The following MACROD2 variants were observed in gnomAD, a reference collection of about 807,000 sequenced individuals.
MACROD2 encodes ADP-ribose glycohydrolase MACROD2.
MACROD2 carries 36 observed loss-of-function variants against 70.4 expected under a neutral mutation model. The ratio of observed to expected loss-of-function variants is 0.51; its 90% CI spans 0.39 to 0.68. MACROD2 has a LOEUF of 0.68. MACROD2 is among the 30% of genes least tolerant of loss of function. The pLI is 0.00. For missense variants in MACROD2, 496 were observed against 538.4 expected, an observed-to-expected ratio of 0.92 and a Z score of 0.78; for synonymous variants, 172 against 178.8, an observed-to-expected ratio of 0.96 and a Z score of 0.30.
chr20:14,488,443 T>C (rs941213650), intron 3 of MACROD2, among the ~76,000 whole-genome samples: 17 of 152,198 alleles, frequency 1.1e-4, no homozygotes, highest in African/African-American at 4.1e-4. Context: ...CATTGCATAA[T>C]AGAACTGTAG....
intron 5 of MACROD2, among the ~76,000 whole-genome samples, chr20:15,171,276 C>G (rs753654553): frequency 6.6e-6 from 1 of 151,608 alleles, no homozygotes; most frequent in Non-Finnish European, 1.5e-5. Flanking sequence ...CCCTCTATCT[C>G]TCTCCCTTTG....
chr20:15,418,806 T>C (rs380512), intron 6 of MACROD2, among the ~76,000 whole-genome samples: 101,748 of 151,992 alleles, frequency 0.67, 34,904 homozygotes, highest in African/African-American at 0.79. Context: ...TCCTTGGCAG[T>C]CCCTCCTGGG....
chr20:14,614,215 G>C (rs1983340941), intron 4 of MACROD2, among the ~76,000 whole-genome samples: 1 of 151,968 alleles, frequency 6.6e-6, no homozygotes, highest in Non-Finnish European at 1.5e-5. Context: ...TTCATTTCTT[G>C]GTCTATAAAA....
intron 3 of MACROD2, among the ~76,000 whole-genome samples, chr20:14,349,203 T>G (rs899536061): frequency 6.6e-6 from 1 of 151,840 alleles, no homozygotes; most frequent in African/African-American, 2.4e-5. Context: ...TTTTTTTTTT[T>G]TTTTTTACAA....
chr20:14,702,975 G>A (rs373207857), intron 5 of MACROD2, among the ~76,000 whole-genome samples: 294 of 151,760 alleles, frequency 1.9e-3, no homozygotes, highest in African/African-American at 6.7e-3. Flanking sequence ...TGATCTGCCC[G>A]CCTTGGTCTC....
chr20:14,122,501 C>G (rs554694424), intron 3 of MACROD2, among the ~76,000 whole-genome samples: 5 of 152,232 alleles, frequency 3.3e-5, no homozygotes, highest in Non-Finnish European at 5.9e-5. Flanking sequence ...AATCTGTAAC[C>G]CTTTTCTCCT....
intron 10 of MACROD2, among the ~76,000 whole-genome samples, chr20:15,912,389 T>G (rs1487472378): frequency 6.6e-6 from 1 of 152,218 alleles, no homozygotes; most frequent in Non-Finnish European, 1.5e-5. Context: ...CAATAACTAG[T>G]GCCTTGCAGT....
At chr20:14,398,940 G>T (rs576092102) in intron 3 of MACROD2, among the ~76,000 whole-genome samples, 4 of 151,066 alleles carry the variant, frequency 2.6e-5, no homozygotes. Context: ...CATTCCTTTA[G>T]ATTTCTTATA....
intron 4 of MACROD2, among the ~76,000 whole-genome samples, chr20:14,649,526 G>T (rs150312978): frequency 6.6e-6 from 1 of 152,132 alleles, no homozygotes; most frequent in African/African-American, 2.4e-5. Flanking sequence ...TGCATTGGCT[G>T]CAAAGGGGAT....
intron 5 of MACROD2, among the ~76,000 whole-genome samples, chr20:14,789,627 C>T (rs2123799628): frequency 6.6e-6 from 1 of 151,536 alleles, no homozygotes; most frequent in African/African-American, 2.4e-5. Flanking sequence ...AGGAAGTAGC[C>T]ACCATGCCTG....
intron 3 of MACROD2, among the ~76,000 whole-genome samples, chr20:14,485,336 G>A (rs764431096): frequency 6.6e-6 from 1 of 152,188 alleles, no homozygotes; most frequent in African/African-American, 2.4e-5. Flanking sequence ...ATTGATAAAA[G>A]AGAAATTTAT....
At chr20:14,928,394 C>CTTAATTGATATAAA (rs1454486215) in intron 5 of MACROD2, among the ~76,000 whole-genome samples, 1 of 152,010 alleles carries the variant, frequency 6.6e-6, no homozygotes, top group African/African-American at 2.4e-5. Flanking sequence ...ATAAATAAAC[C>CTTAATTGATATAAA]ATCAATTAAG....
chr20:14,160,183 T>C (rs1364267761), intron 3 of MACROD2, among the ~76,000 whole-genome samples: 1 of 152,192 alleles, frequency 6.6e-6, no homozygotes, highest in Non-Finnish European at 1.5e-5. Context: ...GTGGTTTTCT[T>C]TTTTTGTTGA....
intron 5 of MACROD2, among the ~76,000 whole-genome samples, chr20:14,780,431 G>A (rs1202663659): frequency 2.0e-5 from 3 of 151,918 alleles, no homozygotes; most frequent in South Asian, 2.1e-4. Flanking sequence ...GCGTGGTGAC[G>A]CATGCCGGTA....
intron 2 of MACROD2, among the ~76,000 whole-genome samples, chr20:14,066,140 A>G (rs1238976104): frequency 6.6e-6 from 1 of 151,880 alleles, no homozygotes; most frequent in African/African-American, 2.4e-5. Context: ...GAAAATTTTG[A>G]TTTTCCACTT....
intron 5 of MACROD2, among the ~76,000 whole-genome samples, chr20:14,899,346 A>G (rs548862004): frequency 1.3e-5 from 2 of 152,206 alleles, no homozygotes; most frequent in African/African-American, 4.8e-5. Flanking sequence ...CATCAGAAAT[A>G]TAGCGTCTCA....
At chr20:15,382,334 A>T (rs1009058739) in intron 6 of MACROD2, among the ~76,000 whole-genome samples, 1 of 152,292 alleles carries the variant, frequency 6.6e-6, no homozygotes, top group Admixed American at 6.5e-5. Flanking sequence ...GCAGAGGAAG[A>T]CCCAGCTCCC....
At chr20:14,249,305 G>A (rs1164502399) in intron 3 of MACROD2, among the ~76,000 whole-genome samples, 1 of 151,830 alleles carries the variant, frequency 6.6e-6, no homozygotes, top group Admixed American at 6.6e-5. Flanking sequence ...TCAGTATAAT[G>A]CAAAAGCCAG....
intron 2 of MACROD2, among the ~76,000 whole-genome samples, chr20:14,010,065 A>G (rs1243213043): frequency 6.6e-6 from 1 of 152,130 alleles, no homozygotes; most frequent in Non-Finnish European, 1.5e-5. Flanking sequence ...GTAGCTGGCC[A>G]CTACGGCACA....
Sources: allele counts gnomAD v4.1 joint callset (sites outside exome capture counted in the v4.1 genomes callset), GRCh38; gene constraint gnomAD v4.1.1; transcripts MANE v1.5; gene names NCBI Gene and HGNC (gene_info 2026-07-23, HGNC 2026-07-21).